The following SPATA19 variants were observed in gnomAD, a reference collection of about 807,000 sequenced individuals.
SPATA19 encodes the protein spermatogenesis associated 19, also known as spermatogenesis-associated protein 19, mitochondrial.
SPATA19 carries 19 observed loss-of-function variants against 25.0 expected under a neutral mutation model. The ratio of observed to expected loss-of-function variants is 0.76; its 90% confidence interval spans 0.53 to 1.11. The LOEUF is 1.11. Among genes scored for constraint, SPATA19 ranks in the 50% most tolerant of loss-of-function variants. SPATA19 has a pLI of 0.00. For missense variants in SPATA19, 222 were observed against 211.4 expected, an observed-to-expected ratio of 1.05 and a Z score of -0.31; for synonymous variants, 64 against 69.3, an observed-to-expected ratio of 0.92 and a Z score of 0.38.
chr11:133,845,103 A>G (rs757600116), intron 2 of SPATA19, 31 bp downstream of exon 2: 2 of 1,597,524 alleles, frequency 1.3e-6, no homozygotes, highest in East Asian at 4.5e-5. Flanking sequence ...AGCATTTTGG[A>G]TATCCTGAGT....
At chr11:133,843,138 G>A (rs75786498) in intron 4 of SPATA19, among the ~76,000 whole-genome samples, 1,786 of 152,292 alleles carry the variant, frequency 0.012, 18 homozygotes, top group Non-Finnish European at 0.017. Context: ...AGAAAATCCA[G>A]AGTGGAAAAA....
chr11:133,841,392 T>G (rs939413047), intron 6 of SPATA19, among the ~76,000 whole-genome samples: 2 of 152,218 alleles, frequency 1.3e-5, no homozygotes, highest in Non-Finnish European at 2.9e-5. Context: ...CCTGTAAGCA[T>G]GCTGAGGTCG....
At chr11:133,837,441 A>G (rs77151961), downstream of SPATA19, among the ~76,000 whole-genome samples, 1,444 of 152,278 alleles carry the variant, frequency 9.5e-3, 23 homozygotes, top group African/African-American at 0.033. Flanking sequence ...CATTGGGGGG[A>G]TCCCCACACT....
rs1255990745 is a variant in SPATA19 at position 133,842,487 on chromosome 11, T to G, written c.435A>C (p.Arg145=). 1 of 1,613,356 alleles carries G rather than the reference T, an allele frequency of 6.2e-7. No individual in the cohort carries two copies. The highest frequency in any genetic ancestry group is 8.5e-7 in the Non-Finnish European group (1 of 1,179,452). ...IMRDRIEQVR[R]SISRLTDVSA... The stretch of plus-strand genomic sequence containing the variant: ...TCAAGCAGTTCCAAACAGCTTACCT[T>G]CGTCTCACCTGCTCTATTCGATCTC... Residue 145 remains arginine (R), a splice_region_variant and synonymous_variant, in exon 5 of 7, where the codon CGA becomes CGC. Coordinates refer to ENST00000299140, the MANE Select transcript of SPATA19 (RefSeq NM_174927.3).
At position 133,842,079 on chromosome 11, in the gene SPATA19, G is replaced by A; in HGVS notation, c.464C>T (p.Ala155Val). The A allele has an allele frequency of 1.2e-6, 2 of 1,614,124 alleles. No homozygotes were observed. The highest frequency in any genetic ancestry group is 1.7e-6 in the Non-Finnish European group (2 of 1,180,030). The stretch of plus-strand genomic sequence containing the variant: ...GGAGGGTCTCATACTGAAGTCCTGA[G>A]CTGAGACATCTGTAAGACGGGATAT... ...RSISRLTDVS[A>V]QDFSMRPSSS... The change falls in exon 6 of 7, where the codon GCT becomes GTT. Residue 155 changes from alanine to valine, a missense_variant. Transcript: ENST00000299140.
At chr11:133,841,291 A>T (rs1156602527) in intron 6 of SPATA19, among the ~76,000 whole-genome samples, 2 of 152,174 alleles carry the variant, frequency 1.3e-5, no homozygotes, top group Non-Finnish European at 2.9e-5. Flanking sequence ...TTGTTTTTGG[A>T]TCAAATGATA....
chr11:133,845,172 T>G lies in SPATA19; in HGVS notation c.97A>C (p.Ser33Arg). The G allele has an allele frequency of 6.2e-7, 1 of 1,614,116 alleles. No individual in the cohort carries two copies. The highest frequency in any genetic ancestry group is 8.5e-7 in the Non-Finnish European group (1 of 1,180,012). ...TGATGTAGTACAGACACAGCCTCAC[T>G]TTCCACAACGTCAATGTCCTGGAAC... ...ITSSDIDVVE[S>R]EAVSVLHHWL... Residue 33 changes from serine (S) to arginine (R), a missense_variant, in exon 2 of 7, where the codon AGT becomes CGT. Transcript: ENST00000299140.
At chr11:133,842,444 C>A (rs759846268) in intron 5 of SPATA19, 41 bp downstream of exon 5, 3 of 1,535,922 alleles carry the variant, frequency 2.0e-6, no homozygotes, top group Non-Finnish European at 2.7e-6. Context: ...CCTACCTGCC[C>A]CCAGTCAGGA....
At chr11:133,845,243 T>TTGGCCCCCC in intron 1 of SPATA19, 53 bp from the exon 2 acceptor site, 2 of 1,555,088 alleles carry the variant, frequency 1.3e-6, no homozygotes, top group Non-Finnish European at 1.8e-6. Context: ...ATTCAGCTCT[T>TTGGCCCCCC]CCCACCCAGC....
chr11:133,836,290 C>T (rs560070191), downstream of SPATA19, among the ~76,000 whole-genome samples: 16 of 152,246 alleles, frequency 1.1e-4, no homozygotes, highest in African/African-American at 2.6e-4. Flanking sequence ...TCTACTCCCT[C>T]GCCCTACCTT....
chr11:133,845,295 A>G, intron 1 of SPATA19, 74 bp downstream of exon 1: 3 of 1,413,906 alleles, frequency 2.1e-6, no homozygotes, highest in Non-Finnish European at 2.9e-6. Context: ...GATCTCTATG[A>G]AGTGCAGCAG....
chr11:133,844,523 C>T lies in SPATA19; in HGVS notation c.253G>A (p.Val85Met), dbSNP rs1044149846. 6 of 1,614,174 alleles carry T rather than the reference C, an allele frequency of 3.7e-6. No homozygotes were observed. In the East Asian group the frequency reaches 6.7e-5, roughly 18 times the overall value. ...CTCTCATTTACCACATCTCTGGTCA[C>T]GTGGATGTCCTGGCCATGGGTGGGA... ...SPPTHGQDIH[V>M]TRDVVKHHLS... Residue 85 changes from valine (V) to methionine (M), a missense_variant, in exon 3 of 7, where the codon GTG becomes ATG. Transcript: ENST00000299140.
At chr11:133,836,488 G>A (rs1210391521), downstream of SPATA19, among the ~76,000 whole-genome samples, 3 of 152,318 alleles carry the variant, frequency 2.0e-5, no homozygotes, top group East Asian at 1.9e-4. Context: ...CAGCTCTGCT[G>A]GAGAGGGCAG....
chr11:133,844,661 T>C (rs1565397536), intron 2 of SPATA19, 21 bp from the exon 3 acceptor site: 1 of 1,572,256 alleles, frequency 6.4e-7, no homozygotes, highest in East Asian at 2.2e-5. Context: ...AGAAATTCCC[T>C]CTGAAAATGT....
intron 5 of SPATA19, 115 bp from the exon 6 acceptor site, chr11:133,842,220 C>G: frequency 9.5e-7 from 1 of 1,047,130 alleles, no homozygotes; most frequent in South Asian, 1.3e-5. Flanking sequence ...AGGCCGTGGC[C>G]ACACTGGGCC....
chr11:133,840,476 A>G (rs550445792), downstream of SPATA19, among the ~76,000 whole-genome samples: 4 of 152,264 alleles, frequency 2.6e-5, no homozygotes, highest in Non-Finnish European at 5.9e-5. Context: ...ATGTTCCAGG[A>G]GCACCAATAT....
At chr11:133,844,680 A>G (rs1938384357) in intron 2 of SPATA19, 40 bp from the exon 3 acceptor site, 1 of 1,558,814 alleles carries the variant, frequency 6.4e-7, no homozygotes, top group Non-Finnish European at 8.7e-7. Context: ...GTCACTCTGC[A>G]TCCAACCCTG....
intron 6 of SPATA19, 39 bp downstream of exon 6, chr11:133,841,991 A>G (rs1403766458): frequency 1.3e-6 from 2 of 1,585,158 alleles, no homozygotes; most frequent in Admixed American, 1.7e-5. Context: ...CAGGATAACC[A>G]TCTTCTCTGC....
downstream of SPATA19, among the ~76,000 whole-genome samples, chr11:133,839,753 A>T (rs1248750112): frequency 6.6e-6 from 1 of 152,154 alleles, no homozygotes; most frequent in Non-Finnish European, 1.5e-5. Flanking sequence ...AGAAAAAGAA[A>T]AGAGTGGAAA....
Sources: allele counts gnomAD v4.1 joint callset (sites outside exome capture counted in the v4.1 genomes callset), GRCh38; gene constraint gnomAD v4.1.1; transcripts MANE v1.5; gene names NCBI Gene and HGNC (gene_info 2026-07-23, HGNC 2026-07-21).